The following UNC79 variants were observed in gnomAD, a reference collection of about 807,000 sequenced individuals.
UNC79 encodes protein unc-79 homolog.
Under a neutral mutation model 283.1 loss-of-function variants are expected in UNC79, and 37 were observed. That is an observed-to-expected ratio of 0.13 (90% CI 0.10 to 0.17). UNC79 has a LOEUF of 0.17. Ranked by LOEUF, UNC79 falls within the 10% of genes least tolerant of loss-of-function variation. UNC79 has a pLI of 1.00. For missense variants in UNC79, 2,272 were observed against 3,211.1 expected (o/e 0.71, Z 7.07); for synonymous variants, 1,107 against 1,200.2 (o/e 0.92, Z 1.61).
chr14:93,634,871 T>A (rs1426373931), intron 31 of UNC79, among the ~76,000 whole-genome samples: 1 of 152,196 alleles, frequency 6.6e-6, no homozygotes, highest in African/African-American at 2.4e-5. Context: ...AAGACCCAGA[T>A]TCCAGATATT....
In UNC79 at chr14:93,621,469, A is replaced by C; in HGVS notation, c.4388-152A>C. 5 of 1,002,460 alleles carry C rather than the reference A, an allele frequency of 5.0e-6. No individual in the cohort carries two copies. The highest frequency in any genetic ancestry group is 6.8e-6 in the Non-Finnish European group (5 of 730,294). The allele number at this position is 1,002,460 out of a possible 1,614,324, so 62.1% of individuals were successfully genotyped here. On this transcript the variant is annotated intron_variant, in intron 29 of 48. Coordinates refer to ENST00000555664, the Ensembl canonical transcript of UNC79. This position sits in a 1 kb window ranked among gnomAD's most constrained non-coding sequence, Gnocchi z 4.8. ...TTTCCAGTTTTTGAAATTAGAACGA[A>C]CCTTACAAAAACTTGGCCAGAAAGT... is the stretch of plus-strand genomic sequence containing the variant.
rs370193468 is a variant in UNC79 at position 93,617,076 on chromosome 14, G to A, written c.4042-46G>A. 127 of 1,545,642 alleles carry A rather than the reference G, an allele frequency of 8.2e-5. No individual in the cohort carries two copies. Among genetic ancestry groups the A allele is most frequent in the Non-Finnish European group, 1.1e-4 (124 of 1,140,034 alleles). On this transcript the variant is annotated intron_variant, in intron 27 of 48. Coordinates refer to ENST00000555664, the Ensembl canonical transcript of UNC79. This position sits in a 1 kb window ranked among gnomAD's most constrained non-coding sequence, Gnocchi z 4.5. ...AAATTTTTCCTTTTGACCTCTGAGTGTTCTTTGTAGTTTTCCATCAGTTAT... is the reference window on the plus strand; with the variant it reads ...AAATTTTTCCTTTTGACCTCTGAGTATTCTTTGTAGTTTTCCATCAGTTAT...
At chr14:93,428,547 G>A (rs2055779689), upstream of UNC79, among the ~76,000 whole-genome samples, 1 of 152,168 alleles carries the variant, frequency 6.6e-6, no homozygotes, top group East Asian at 1.9e-4. Context: ...CCAGGTTAGT[G>A]AGTTAATGGG....
At chr14:93,406,217 A>C (rs1043154735) in intron 1 of UNC79, among the ~76,000 whole-genome samples, 1 of 152,186 alleles carries the variant, frequency 6.6e-6, no homozygotes, top group East Asian at 1.9e-4. Flanking sequence ...TAACACAGCA[A>C]ATTCAGCAGT....
At chr14:93,622,221 A>G in exon 30 of UNC79, 4 of 1,614,076 alleles carry the variant, frequency 2.5e-6, no homozygotes, top group Non-Finnish European at 3.4e-6. Flanking sequence ...TCCGGTAAAA[A>G]TGCTGCCTCT....
At chr14:93,396,763 G>A (rs2055005429) in intron 1 of UNC79, among the ~76,000 whole-genome samples, 1 of 142,142 alleles carries the variant, frequency 7.0e-6, no homozygotes, top group Non-Finnish European at 1.5e-5. Context: ...TCTTTGCAAA[G>A]GGCATGTGTG....
At chr14:93,407,965 C>CT (rs1197778232) in intron 1 of UNC79, among the ~76,000 whole-genome samples, 1 of 152,200 alleles carries the variant, frequency 6.6e-6, no homozygotes, top group Non-Finnish European at 1.5e-5. Flanking sequence ...TAAGCACAGA[C>CT]TAACTCTCAG....
intron 14 of UNC79, among the ~76,000 whole-genome samples, chr14:93,566,639 A>ATTTT (rs33917214): frequency 4.4e-5 from 6 of 136,282 alleles, no homozygotes; most frequent in Non-Finnish European, 4.6e-5. Context: ...AGTTTCTGGA[A>ATTTT]TTTTTTTTTT....
intron 1 of UNC79, among the ~76,000 whole-genome samples, chr14:93,360,399 G>C (rs2054195094): frequency 6.6e-6 from 1 of 152,242 alleles, no homozygotes; most frequent in Non-Finnish European, 1.5e-5. Flanking sequence ...CTGTGCAGAA[G>C]ACAGATGGAT....
intron 1 of UNC79, among the ~76,000 whole-genome samples, chr14:93,465,606 A>G (rs1207481267): frequency 1.3e-5 from 2 of 152,190 alleles, no homozygotes; most frequent in African/African-American, 2.4e-5. Flanking sequence ...TATAAAAAGA[A>G]CATCCTTTCA....
chr14:93,467,627 C>CTTTTTTTTT (rs2057260890), intron 1 of UNC79, 44 bp from the exon 2 acceptor site: 1 of 828,952 alleles, frequency 1.2e-6, no homozygotes, highest in African/African-American at 5.2e-5. Context: ...TTTTCTTCTT[C>CTTTTTTTTT]CTTTTTTTTT....
intron 46 of UNC79, among the ~76,000 whole-genome samples, chr14:93,693,815 A>T (rs181890842): frequency 6.9e-4 from 105 of 152,336 alleles, no homozygotes; most frequent in Middle Eastern, 3.4e-3. Flanking sequence ...AACCAAGGAA[A>T]ATAGTCTGTA....
At chr14:93,485,611 T>C (rs548899544) in intron 4 of UNC79, among the ~76,000 whole-genome samples, 2 of 152,264 alleles carry the variant, frequency 1.3e-5, no homozygotes, top group Admixed American at 1.3e-4. Flanking sequence ...TGGCTGAAAG[T>C]TCTTCTTTCT....
intron 48 of UNC79, among the ~76,000 whole-genome samples, chr14:93,705,378 G>A (rs746972): frequency 0.72 from 103,450 of 144,420 alleles, 37,570 homozygotes; most frequent in African/African-American, 0.81. Flanking sequence ...AAAAAGAGGA[G>A]TAGCATACCG....
At chr14:93,334,983 T>C (rs1169353867) in intron 1 of UNC79, 1 of 152,268 alleles carries the variant, frequency 6.6e-6, no homozygotes, top group African/African-American at 2.4e-5. Flanking sequence ...TACTAACCTT[T>C]ATTACTTGAC....
At chr14:93,402,348 A>C (rs1190185571) in intron 1 of UNC79, among the ~76,000 whole-genome samples, 1 of 151,536 alleles carries the variant, frequency 6.6e-6, no homozygotes, top group African/African-American at 2.4e-5. Flanking sequence ...CTGTGAATGC[A>C]CTGTAAATAA....
rs1346848043 is a variant in UNC79 at position 93,375,544 on chromosome 14, GA to G, written c.-351+42025del. ...TACCTGAGACTGGGTAATTTATAAA[GA>G]AAAGAGGTTTAATTGGCTCACAGTT... is the stretch of plus-strand genomic sequence containing the variant. On this transcript the variant is annotated intron_variant, in intron 1 of 49. Transcript: ENST00000256339. 4.6e-5 allele frequency among the ~76,000 whole-genome samples: 7 copies of G among 152,256 alleles called. No individual in the cohort carries two copies. In the East Asian group the frequency reaches 1.3e-3, roughly 29 times the overall value.
chr14:93,542,544 C>T lies in UNC79; in HGVS notation c.1603C>T (p.His535Tyr), dbSNP rs761679101. Reference sequence around the variant, plus strand: ...GGTGGCCATGGTGTTTCAGTGGTTTCACTCCACTGCGTATATGATGGATGA... The same window carrying T: ...GGTGGCCATGGTGTTTCAGTGGTTTTACTCCACTGCGTATATGATGGATGA... The change falls in exon 14 of 49, where the codon CAC becomes TAC. Residue 535 changes from histidine to tyrosine, a missense_variant. By Grantham distance (83) the His-to-Tyr change is moderately conservative (BLOSUM62 2). Transcript: ENST00000555664. 5.0e-6 allele frequency: 8 copies of T among 1,614,208 alleles called. 1 individual carries two copies. In the South Asian group the frequency reaches 8.8e-5, roughly 18 times the overall value.
At chr14:93,464,601 A>G (rs2057087873) in intron 1 of UNC79, 1 of 456,306 alleles carries the variant, frequency 2.2e-6, no homozygotes, top group Non-Finnish European at 4.4e-6. Flanking sequence ...ATGGCTTTTT[A>G]AAGTATAAGG....
Sources: allele counts gnomAD v4.1 joint callset (sites outside exome capture counted in the v4.1 genomes callset), GRCh38; gene constraint gnomAD v4.1.1; non-coding constraint Gnocchi (gnomAD v3.1); transcripts MANE v1.5; gene names NCBI Gene and HGNC (gene_info 2026-07-23, HGNC 2026-07-21).